The following LRRC8C variants were observed in gnomAD, a reference collection of about 807,000 sequenced individuals.
LRRC8C encodes leucine rich repeat containing 8 VRAC subunit C, also known as volume-regulated anion channel subunit LRRC8C.
LRRC8C carries 20 observed loss-of-function variants against 55.3 expected under a neutral mutation model. The ratio of observed to expected loss-of-function variants is 0.36; its 90% CI spans 0.25 to 0.53. LRRC8C has a LOEUF of 0.53. Among genes scored for constraint, LRRC8C ranks in the 20% least tolerant of loss-of-function variants. LRRC8C has a pLI of 0.92. For synonymous variants in LRRC8C, 376 were observed against 360.7 expected, an observed-to-expected ratio of 1.04 and a Z score of -0.48; for missense variants, 659 against 951.4, an observed-to-expected ratio of 0.69 and a Z score of 4.04.
rs541841218 is a variant in LRRC8C at position 89,662,145 on chromosome 1, G to GATA, written c.-4-24324_-4-24323insTAA. Among the ~76,000 whole-genome samples, 165 of 152,088 alleles carry GATA rather than the reference G, an allele frequency of 1.1e-3. 1 individual carries two copies. The highest frequency in any genetic ancestry group is 3.8e-3 in the African/African-American group (159 of 41,368). On this transcript the variant is annotated intron_variant, in intron 1 of 2. Coordinates refer to ENST00000370454, the MANE Select transcript of LRRC8C (RefSeq NM_032270.5). ...ATAAAATACATTAATGATAGCTGAT[G>GATA]AGCTAAAAGAAAAAAAATCACAAAA...
intron 1 of LRRC8C, among the ~76,000 whole-genome samples, chr1:89,634,332 G>A (rs1656220108): frequency 6.6e-6 from 1 of 152,160 alleles, no homozygotes; most frequent in Admixed American, 6.5e-5. Context: ...TTGGAGTGCC[G>A]GTGTTTGGCA....
chr1:89,620,579 CAAAAAAAA>C, the LRRC8C span, among the ~76,000 whole-genome samples: 4 of 137,028 alleles, frequency 2.9e-5, no homozygotes, highest in Non-Finnish European at 4.8e-5. Context: ...GATGATTTTT[CAAAAAAAA>C]AAAAAAAAAA....
intron 1 of LRRC8C, among the ~76,000 whole-genome samples, chr1:89,644,630 T>C (rs1246270559): frequency 1.3e-5 from 2 of 152,208 alleles, no homozygotes; most frequent in Non-Finnish European, 2.9e-5. Context: ...ACTGCAGTTA[T>C]ACATAGTCCA....
intron 2 of LRRC8C, among the ~76,000 whole-genome samples, chr1:89,689,591 T>C (rs139686368): frequency 1.8e-4 from 28 of 152,286 alleles, no homozygotes; most frequent in African/African-American, 6.7e-4. Flanking sequence ...TCTGCATGTA[T>C]TTTGAAGGAA....
chr1:89,688,371 A>G (rs1304801802), intron 2 of LRRC8C, among the ~76,000 whole-genome samples: 1 of 152,260 alleles, frequency 6.6e-6, no homozygotes, highest in Non-Finnish European at 1.5e-5. Context: ...TTTAAATTCT[A>G]TGGGAAAAAT....
intron 1 of LRRC8C, among the ~76,000 whole-genome samples, chr1:89,651,715 G>A (rs1656789290): frequency 6.6e-6 from 1 of 151,968 alleles, no homozygotes; most frequent in Admixed American, 6.6e-5. Context: ...GTATGTTAAA[G>A]CTTTGTAATA....
chr1:89,617,263 G>C, the LRRC8C span, among the ~76,000 whole-genome samples: 7 of 152,130 alleles, frequency 4.6e-5, no homozygotes, highest in Non-Finnish European at 1.5e-5. Flanking sequence ...ACTAAGTGAT[G>C]AAGGACACTC....
In LRRC8C at chr1:89,662,027, C is replaced by T. The variant is rs570726403; in HGVS notation, c.-4-24443C>T. Among the ~76,000 whole-genome samples the T allele has an allele frequency of 2.0e-4, 30 of 152,250 alleles. No homozygotes were observed. In the South Asian group the frequency reaches 5.2e-3, roughly 26 times the overall value. On this transcript the variant is annotated intron_variant, in intron 1 of 2. Transcript: ENST00000370454. ...TTGCAAATGCAAAAGCAGGAGTGAA[C>T]CTGGGGTGCCAAGAAACCACTCTAA...
Position 89,713,799 on chromosome 1 carries a change from C to T in LRRC8C, c.1229C>T (p.Thr410Ile), listed in dbSNP as rs767251421. 30 of 1,614,166 alleles carry T rather than the reference C, an allele frequency of 1.9e-5. No individual in the cohort carries two copies. The highest frequency in any genetic ancestry group is 2.4e-5 in the Non-Finnish European group (28 of 1,180,020). ...LKQLNLNNEW[T>I]PDKLRQKLQT... ...CAGCTGAACTTAAATAACGAATGGA[C>T]TCCTGATAAACTGAGGCAGAAGCTA... is the stretch of plus-strand genomic sequence containing the variant. Residue 410 changes from threonine (T) to isoleucine (I), a missense_variant, in exon 3 of 3, where the codon ACT becomes ATT. Physicochemically the swap from Thr to Ile is moderately conservative, Grantham distance 89 (BLOSUM62 -1). Coordinates refer to ENST00000370454, the MANE Select transcript of LRRC8C (RefSeq NM_032270.5). The surrounding 1 kb of genome is among the most constrained non-coding windows in gnomAD (Gnocchi z 5.2).
At chr1:89,624,167 G>GT in the LRRC8C span, among the ~76,000 whole-genome samples, 14 of 152,210 alleles carry the variant, frequency 9.2e-5, no homozygotes, top group Admixed American at 9.2e-4. Flanking sequence ...TTTATGAGCA[G>GT]TAAGTATGCT....
chr1:89,710,624 T>C (rs1447077253), intron 2 of LRRC8C, among the ~76,000 whole-genome samples: 2 of 152,234 alleles, frequency 1.3e-5, no homozygotes, highest in Non-Finnish European at 2.9e-5. Flanking sequence ...TGTTCTTACC[T>C]GCATTCTTTT....
intron 1 of LRRC8C, among the ~76,000 whole-genome samples, chr1:89,639,619 T>A (rs1656400064): frequency 6.6e-6 from 1 of 152,242 alleles, no homozygotes; most frequent in South Asian, 2.1e-4. Context: ...TTTTTCCACA[T>A]ATTTTCTCTG....
chr1:89,654,293 G>A (rs1471932901), intron 1 of LRRC8C, among the ~76,000 whole-genome samples: 1 of 152,190 alleles, frequency 6.6e-6, no homozygotes, highest in East Asian at 1.9e-4. Context: ...GCTAAGGGAT[G>A]AGAAATTGCT....
At chr1:89,622,765 T>C in the LRRC8C span, among the ~76,000 whole-genome samples, 1 of 152,210 alleles carries the variant, frequency 6.6e-6, no homozygotes, top group Non-Finnish European at 1.5e-5. Context: ...ATCTTACAAA[T>C]GTGCAGACCT....
At chr1:89,653,379 A>G (rs1297673228) in intron 1 of LRRC8C, among the ~76,000 whole-genome samples, 3 of 152,248 alleles carry the variant, frequency 2.0e-5, no homozygotes, top group Admixed American at 2.0e-4. Flanking sequence ...AATGTCTTTA[A>G]TGTCTGGCAA....
intron 1 of LRRC8C, among the ~76,000 whole-genome samples, chr1:89,680,003 TG>T (rs1473104072): frequency 6.6e-6 from 1 of 151,990 alleles, no homozygotes; most frequent in African/African-American, 2.4e-5. Flanking sequence ...GGGAGGAGGA[TG>T]GGAACATATT....
the LRRC8C span, among the ~76,000 whole-genome samples, chr1:89,617,078 C>T: frequency 6.6e-6 from 1 of 152,194 alleles, no homozygotes; most frequent in Non-Finnish European, 1.5e-5. Flanking sequence ...GCAGGGCCCT[C>T]CCTCTCCCAT....
intron 1 of LRRC8C, among the ~76,000 whole-genome samples, chr1:89,669,680 C>T (rs1177739005): frequency 6.6e-6 from 1 of 152,102 alleles, no homozygotes; most frequent in Non-Finnish European, 1.5e-5. Flanking sequence ...TGTGGTCACC[C>T]AGCTTACAAG....
chr1:89,708,904 T>A (rs1293696518), intron 2 of LRRC8C, among the ~76,000 whole-genome samples: 1 of 152,214 alleles, frequency 6.6e-6, no homozygotes, highest in Admixed American at 6.5e-5. Context: ...ATGTGTTCCC[T>A]CAGCAACATG....
Sources: gnomAD v4.1 joint callset for allele counts (sites outside exome capture counted in the v4.1 genomes callset) on GRCh38, gnomAD v4.1.1 for gene constraint, Gnocchi (gnomAD v3.1) non-coding constraint, MANE v1.5 for transcripts, NCBI Gene and HGNC (gene_info 2026-07-23, HGNC 2026-07-21) for gene names.